Variants in CCSER1 observed in about 807,000 individuals in gnomAD.
CCSER1 encodes coiled-coil serine rich protein 1.
Under a neutral mutation model 82.0 loss-of-function variants are expected in CCSER1, and 41 were observed. That is an observed-to-expected ratio of 0.50 (90% CI 0.39 to 0.65). The LOEUF (loss-of-function observed/expected upper bound fraction) is 0.65. Ranked by LOEUF, CCSER1 falls within the 30% of genes least tolerant of loss-of-function variation. The probability of loss-of-function intolerance (pLI) is 0.00; values close to 1 mark genes in which losing one functional copy is unlikely to be tolerated. For missense variants in CCSER1, 1,119 were observed against 1,064.2 expected, an observed-to-expected ratio of 1.05 and a Z score of -0.72; for synonymous variants, 414 against 383.9, an observed-to-expected ratio of 1.08 and a Z score of -0.92.
In CCSER1 at chr4:90,354,510, C is replaced by T. The variant is rs1258962056; in HGVS notation, c.1509+41463C>T. Among the ~76,000 whole-genome samples, 9 of 152,174 alleles carry T rather than the reference C, an allele frequency of 5.9e-5. No individual in the cohort carries two copies. In the South Asian group the frequency reaches 1.0e-3, roughly 18 times the overall value. ...CAACACACGCACACAAACACACACA[C>T]GCACAATAGTAACTGTGTGATCAAC... On this transcript the variant is annotated intron_variant, in intron 3 of 10. Coordinates refer to ENST00000509176, the MANE Select transcript of CCSER1 (RefSeq NM_001145065.2).
At chr4:90,908,002 T>A (rs1725756832) in intron 8 of CCSER1, among the ~76,000 whole-genome samples, 1 of 152,118 alleles carries the variant, frequency 6.6e-6, no homozygotes, top group African/African-American at 2.4e-5. Flanking sequence ...CTTCATTTTT[T>A]AAAAACAATA....
chr4:91,321,144 C>G (rs1746166407), intron 10 of CCSER1, among the ~76,000 whole-genome samples: 1 of 152,046 alleles, frequency 6.6e-6, no homozygotes, highest in Non-Finnish European at 1.5e-5. Flanking sequence ...AGAGGATAAA[C>G]TTGATTCTTA....
intron 1 of CCSER1, among the ~76,000 whole-genome samples, chr4:90,259,146 A>T (rs557199740): frequency 6.6e-6 from 1 of 152,086 alleles, no homozygotes; most frequent in Admixed American, 6.6e-5. Context: ...GTCATCTGTG[A>T]TTTCTTTCAG....
chr4:91,007,372 C>A (rs1738607571), intron 9 of CCSER1, among the ~76,000 whole-genome samples: 1 of 152,164 alleles, frequency 6.6e-6, no homozygotes, highest in Non-Finnish European at 1.5e-5. Context: ...GGTATTAGTT[C>A]TTTAATGATT....
At position 91,465,895 on chromosome 4, in the gene CCSER1, T is replaced by G. The variant is rs180799725; in HGVS notation, c.2218-132677T>G. ...CAACCAAAAAAAGTCCAGGACCAGA[T>G]GGATTCACAGCCGAATTCTACCAGA... is the stretch of plus-strand genomic sequence containing the variant. On this transcript the variant is annotated intron_variant, in intron 10 of 10. Transcript: ENST00000509176. Among the ~76,000 whole-genome samples, 40 of 152,226 alleles carry G rather than the reference T, an allele frequency of 2.6e-4. No individual in the cohort carries two copies. The Middle Eastern group carries it at 0.014, about 52-fold the overall frequency.
chr4:90,589,198 A>T (rs1368482387), intron 5 of CCSER1, among the ~76,000 whole-genome samples: 2 of 152,160 alleles, frequency 1.3e-5, no homozygotes, highest in Non-Finnish European at 2.9e-5. Context: ...TATTAAAATT[A>T]GAGAGGGTGT....
intron 10 of CCSER1, among the ~76,000 whole-genome samples, chr4:91,502,212 G>T (rs1056644749): frequency 6.6e-6 from 1 of 152,014 alleles, no homozygotes; most frequent in Non-Finnish European, 1.5e-5. Context: ...GTTTTAAAAA[G>T]ATTTCTTATT....
chr4:90,159,422 T>A (rs1729001679), intron 1 of CCSER1, among the ~76,000 whole-genome samples: 1 of 152,078 alleles, frequency 6.6e-6, no homozygotes, highest in Non-Finnish European at 1.5e-5. Flanking sequence ...AATGGTGAGG[T>A]CATATTCTGA....
intron 5 of CCSER1, among the ~76,000 whole-genome samples, chr4:90,510,289 T>C (rs1219432346): frequency 6.6e-6 from 1 of 152,242 alleles, no homozygotes; most frequent in East Asian, 1.9e-4. Context: ...AGGTATTAAA[T>C]GGTTTCTAAA....
chr4:91,538,698 C>CATATATTATATACATATATATATTATAT lies in CCSER1; in HGVS notation c.2218-59868_2218-59867insTATATACATATATATATTATATATATAT. Among the ~76,000 whole-genome samples, 3 of 138,340 alleles carry CATATATTATATACATATATATATTATAT rather than the reference C, an allele frequency of 2.2e-5. No homozygotes were observed. In the Admixed American group the frequency reaches 2.2e-4, roughly 10 times the overall value. The allele number at this position is 138,340 out of a possible 152,430, so 90.8% of individuals were successfully genotyped here. The stretch of plus-strand genomic sequence containing the variant: ...ATATATGATATATATTATATATACA[C>CATATATTATATACATATATATATTATAT]ATATATATATATAATATCTCAGTGC... On this transcript the variant is annotated intron_variant, in intron 10 of 10. Coordinates refer to ENST00000509176, the MANE Select transcript of CCSER1 (RefSeq NM_001145065.2).
intron 5 of CCSER1, among the ~76,000 whole-genome samples, chr4:90,622,862 A>G (rs111771462): frequency 0.074 from 11,279 of 151,916 alleles, 519 homozygotes; most frequent in East Asian, 0.17. Flanking sequence ...ACAATGGTTG[A>G]ACTAGTTTAC....
intron 9 of CCSER1, among the ~76,000 whole-genome samples, chr4:91,059,984 C>G (rs1216656568): frequency 1.3e-5 from 2 of 152,004 alleles, no homozygotes; most frequent in African/African-American, 4.8e-5. Flanking sequence ...AGGATCAATT[C>G]TCTTGTCATA....
At chr4:91,026,170 A>C (rs1257614079) in intron 9 of CCSER1, among the ~76,000 whole-genome samples, 1 of 152,166 alleles carries the variant, frequency 6.6e-6, no homozygotes, top group Non-Finnish European at 1.5e-5. Flanking sequence ...TAAAAGGAAC[A>C]TGCATGACAC....
chr4:91,559,697 A>C (rs1762566681), intron 10 of CCSER1, among the ~76,000 whole-genome samples: 1 of 151,652 alleles, frequency 6.6e-6, no homozygotes, highest in Non-Finnish European at 1.5e-5. Flanking sequence ...AATTATTAAA[A>C]TAATAATTTC....
At chr4:91,440,575 C>T (rs1164112182) in intron 10 of CCSER1, among the ~76,000 whole-genome samples, 1 of 152,024 alleles carries the variant, frequency 6.6e-6, no homozygotes, top group South Asian at 2.1e-4. Context: ...GAAGCAACAG[C>T]AAACACATTC....
chr4:91,357,771 A>G (rs562240324), intron 10 of CCSER1, among the ~76,000 whole-genome samples: 6 of 150,974 alleles, frequency 4.0e-5, no homozygotes, highest in African/African-American at 1.2e-4. Flanking sequence ...ACATGTCTCA[A>G]CTTTCTGACT....
chr4:91,146,104 G>A (rs2148940248), intron 10 of CCSER1, among the ~76,000 whole-genome samples: 1 of 152,178 alleles, frequency 6.6e-6, no homozygotes, highest in East Asian at 1.9e-4. Flanking sequence ...ATATTTCTTG[G>A]AGGCTTTGTT....
chr4:90,933,337 G>A (rs1392642172), intron 9 of CCSER1, among the ~76,000 whole-genome samples: 6 of 151,534 alleles, frequency 4.0e-5, no homozygotes, highest in Middle Eastern at 3.4e-3. Context: ...ACAGGCGCCC[G>A]CCACCACGCC....
At chr4:90,699,956 A>T (rs1273144252) in intron 6 of CCSER1, among the ~76,000 whole-genome samples, 2 of 151,470 alleles carry the variant, frequency 1.3e-5, no homozygotes, top group African/African-American at 4.8e-5. Context: ...CAGATATTGA[A>T]TCTGCCAGTG....
Sources: allele counts gnomAD v4.1 joint callset (sites outside exome capture counted in the v4.1 genomes callset), GRCh38; gene constraint gnomAD v4.1.1; transcripts MANE v1.5; gene names NCBI Gene and HGNC (gene_info 2026-07-23, HGNC 2026-07-21).